Variants in PES1 observed in about 807,000 individuals in gnomAD.
The protein encoded by PES1 is pescadillo homolog.
PES1 carries 31 observed loss-of-function variants against 77.1 expected under a neutral mutation model. That is an observed-to-expected ratio of 0.40 (90% CI 0.30 to 0.54). PES1 has a LOEUF of 0.54. Among genes scored for constraint, PES1 ranks in the 20% least tolerant of loss-of-function variants. PES1 has a pLI of 0.45. For synonymous variants in PES1, 282 were observed against 303.0 expected (o/e 0.93, Z 0.72); for missense variants, 658 against 771.7 (o/e 0.85, Z 1.75).
At chr22:30,581,691 G>C in intron 6 of PES1, 47 bp from the exon 7 acceptor site, 1 of 1,295,906 alleles carries the variant, frequency 7.7e-7, no homozygotes, top group Non-Finnish European at 1.1e-6. Context: ...CAGGGATGGG[G>C]GCAAAGGAGG....
At chr22:30,606,989 C>T (rs1356997193) in exon 1 of PES1, 1 of 699,882 alleles carries the variant, frequency 1.4e-6, no homozygotes, top group African/African-American at 1.8e-5. Context: ...GGCATCAGGC[C>T]CTCTGCGCTG....
chr22:30,601,667 A>G (rs766243904), intron 2 of PES1, among the ~76,000 whole-genome samples: 11 of 151,908 alleles, frequency 7.2e-5, no homozygotes, highest in Non-Finnish European at 1.2e-4. Context: ...CACTGTTTTT[A>G]TATATGCAAT....
intron 2 of PES1, among the ~76,000 whole-genome samples, chr22:30,603,047 A>G (rs1602033298): frequency 6.6e-6 from 1 of 151,918 alleles, no homozygotes; most frequent in African/African-American, 2.4e-5. Context: ...AGTAGCTGGG[A>G]CTACAGGAGC....
At chr22:30,606,976 TC>T (rs1428872358) in exon 1 of PES1, 1 of 742,532 alleles carries the variant, frequency 1.3e-6, no homozygotes, top group East Asian at 6.5e-5. Flanking sequence ...ACTTGACAGA[TC>T]AGGCATCAGG....
intron 1 of PES1, 75 bp downstream of exon 1, chr22:30,591,735 G>A (rs569354260): frequency 2.0e-6 from 3 of 1,501,556 alleles, no homozygotes; most frequent in Non-Finnish European, 2.7e-6. Flanking sequence ...ACGGAGCCCG[G>A]GAAAAGAGTC....
intron 2 of PES1, among the ~76,000 whole-genome samples, chr22:30,600,667 T>C (rs1368398168): frequency 6.6e-6 from 1 of 152,026 alleles, no homozygotes; most frequent in Non-Finnish European, 1.5e-5. Flanking sequence ...CTACAAAAAA[T>C]TAGCCAGGAG....
Position 30,579,015 on chromosome 22 carries a change from G to A in PES1, c.1522-17C>T. On this transcript the variant is annotated splice_polypyrimidine_tract_variant and intron_variant, in intron 13 of 14. Transcript: ENST00000354694. ...CCTGGGCTTCTGGGGACACAAGGAG[G>A]GTGCTTATGGGGGCAGGTTCTCCCG... 1 of 1,607,174 alleles carries A rather than the reference G, an allele frequency of 6.2e-7. No individual in the cohort carries two copies. Among genetic ancestry groups the A allele is most frequent in the Non-Finnish European group, 8.5e-7 (1 of 1,179,646 alleles).
At position 30,576,767 on chromosome 22, in the gene PES1, G is replaced by T. The variant is rs1025504857; in HGVS notation, c.*279C>A. On this transcript the variant is annotated 3_prime_UTR_variant, in exon 15 of 15. Coordinates refer to ENST00000354694, the MANE Select transcript of PES1 (RefSeq NM_014303.4). ...GATGAATGGGGGCAGTAGGTAGGGG[G>T]CTGGGTGGGCCTCTGCACCTCATGT... 9 of 494,200 alleles carry T rather than the reference G, an allele frequency of 1.8e-5. No individual in the cohort carries two copies. The highest frequency in any genetic ancestry group is 3.3e-5 in the Non-Finnish European group (9 of 276,134). The allele number at this position is 494,200 out of a possible 1,614,324, so 30.6% of individuals were successfully genotyped here. A position where few individuals can be genotyped will look rare whatever the true frequency, so the allele number is the denominator to read the frequency against.
chr22:30,591,923 C>A, upstream of PES1: 1 of 1,483,026 alleles, frequency 6.7e-7, no homozygotes, highest in Non-Finnish European at 8.9e-7. Context: ...CGAGGACCCT[C>A]CCCACCCCAC....
chr22:30,587,547 G>A (rs2087110709), intron 3 of PES1, 152 bp from the exon 4 acceptor site: 1 of 636,374 alleles, frequency 1.6e-6, no homozygotes. Flanking sequence ...CTCTGCCCAG[G>A]ATGAGCAAAA....
At chr22:30,582,341 G>A (rs2087001140) in intron 6 of PES1, among the ~76,000 whole-genome samples, 1 of 152,240 alleles carries the variant, frequency 6.6e-6, no homozygotes, top group Admixed American at 6.5e-5. Context: ...GAGGGGCCAG[G>A]GTAGGCTGGC....
chr22:30,595,788 G>A (rs1286697064), upstream of PES1, among the ~76,000 whole-genome samples: 1 of 152,128 alleles, frequency 6.6e-6, no homozygotes, highest in African/African-American at 2.4e-5. Context: ...ACATTTTGTG[G>A]ACCCTGGGCT....
rs560589294 is a variant in PES1 at position 30,583,012 on chromosome 22, C to A, written c.630+1353G>T. Among the ~76,000 whole-genome samples the A allele has an allele frequency of 1.6e-3, 241 of 152,318 alleles. 1 individual carries two copies. Among genetic ancestry groups the A allele is most frequent in the Middle Eastern group, 0.014 (4 of 294 alleles). On this transcript the variant is annotated intron_variant, in intron 6 of 14. Transcript: ENST00000354694. Reference sequence around the variant, plus strand: ...ACTGGCCAAGGAGGAAAGGGGAATGCGTGGCTGGCTCCCTTCCCCCAGGGC... The same window carrying A: ...ACTGGCCAAGGAGGAAAGGGGAATGAGTGGCTGGCTCCCTTCCCCCAGGGC...
chr22:30,592,626 G>A (rs561587217), upstream of PES1, among the ~76,000 whole-genome samples: 145 of 152,174 alleles, frequency 9.5e-4, 3 homozygotes, highest in South Asian at 0.018. Context: ...GTGAAACCCC[G>A]TCTCTGCTAA....
At chr22:30,597,808 AAG>A (rs1416157935) in intron 2 of PES1, among the ~76,000 whole-genome samples, 1 of 152,076 alleles carries the variant, frequency 6.6e-6, no homozygotes, top group African/African-American at 2.4e-5. Flanking sequence ...GGGGCCAGAT[AAG>A]AGAATAAAAG....
At chr22:30,584,013 G>A (rs1184293688) in intron 6 of PES1, among the ~76,000 whole-genome samples, 3 of 152,262 alleles carry the variant, frequency 2.0e-5, no homozygotes. Context: ...ACCACATGGT[G>A]CTGGGCATGC....
In PES1 at chr22:30,579,281, C is replaced by G. The variant is rs757834938; in HGVS notation, c.1377G>C (p.Glu459Asp). ...CGTTGTTGTCGTCCTCTTCCTCCTC[C>G]TCTTCTGACTCATTCAGGTTTCCTA... ...EDPGNLNESEEEEEEDDNNEG... is the reference protein window; with the variant it reads ...EDPGNLNESEDEEEEDDNNEG... The change falls in exon 13 of 15, where the codon GAG becomes GAC. Residue 459 changes from glutamate to aspartate, a missense_variant. By Grantham distance (45) the Glu-to-Asp change is conservative. Transcript: ENST00000354694. 2 of 1,600,928 alleles carry G rather than the reference C, an allele frequency of 1.2e-6. No homozygotes were observed. The highest frequency in any genetic ancestry group is 1.7e-6 in the Non-Finnish European group (2 of 1,179,770).
chr22:30,589,256 C>T lies in PES1; in HGVS notation c.39G>A (p.Ser13=), dbSNP rs202113383. The change falls in exon 2 of 15, where the codon TCG becomes TCA. Residue 13 remains serine (S), a synonymous_variant. Coordinates refer to ENST00000354694, the MANE Select transcript of PES1 (RefSeq NM_014303.4). ...TGTTCCGGGTGATGTAGTTGGTGGC[C>T]GAGCCTCGTTCATACTGGGAGAGGA... ...GLEKKKYERG[S]ATNYITRNKA... The T allele has an allele frequency of 1.4e-5, 22 of 1,613,504 alleles. No individual in the cohort carries two copies. Among genetic ancestry groups the T allele is most frequent in the East Asian group, 2.2e-5 (1 of 44,896 alleles).
intron 2 of PES1, among the ~76,000 whole-genome samples, chr22:30,599,374 A>G (rs941727077): frequency 1.3e-5 from 2 of 152,214 alleles, no homozygotes; most frequent in African/African-American, 4.8e-5. Flanking sequence ...TTGTAAAACT[A>G]TAAACCCAGC....
Sources: allele counts gnomAD v4.1 joint callset (sites outside exome capture counted in the v4.1 genomes callset), GRCh38; gene constraint gnomAD v4.1.1; transcripts MANE v1.5; gene names NCBI Gene and HGNC (gene_info 2026-07-23, HGNC 2026-07-21).